Variants in ATXN1 observed in about 807,000 individuals in gnomAD.
The protein encoded by ATXN1 is ataxin 1.
ATXN1 carries 8 observed loss-of-function variants against 56.4 expected under a neutral mutation model. The observed-to-expected ratio is 0.14, with a 90% CI of 0.08 to 0.26. The LOEUF is 0.26. ATXN1 is among the 10% of genes least tolerant of loss of function. The pLI, the probability that ATXN1 is intolerant of heterozygous loss-of-function variation, is 1.00. For missense variants in ATXN1, 987 were observed against 1,106.5 expected (o/e 0.89, Z 1.53); for synonymous variants, 514 against 494.6 (o/e 1.04, Z -0.52).
intron 6 of ATXN1, among the ~76,000 whole-genome samples, chr6:16,367,843 A>C (rs1178731452): frequency 1.3e-5 from 2 of 152,162 alleles, no homozygotes; most frequent in Non-Finnish European, 2.9e-5. Context: ...GAAAGGGGGT[A>C]GGTCCTTCGT....
chr6:16,637,262 C>T (rs1241837994), intron 3 of ATXN1, among the ~76,000 whole-genome samples: 2 of 150,602 alleles, frequency 1.3e-5, no homozygotes, highest in Non-Finnish European at 2.9e-5. Context: ...AACCAAACAC[C>T]GCATGTTCTC....
intron 3 of ATXN1, among the ~76,000 whole-genome samples, chr6:16,634,429 C>T (rs980690270): frequency 4.6e-5 from 7 of 151,588 alleles, no homozygotes; most frequent in Admixed American, 1.3e-4. Context: ...AAAAAAACAG[C>T]TTTATTAAGA....
chr6:16,359,245 G>A (rs938475025), intron 6 of ATXN1, among the ~76,000 whole-genome samples: 1 of 152,172 alleles, frequency 6.6e-6, no homozygotes, highest in East Asian at 1.9e-4. Flanking sequence ...GGGCCTGAAG[G>A]CTGGGGGCCG....
intron 4 of ATXN1, among the ~76,000 whole-genome samples, chr6:16,525,439 A>G (rs1472744009): frequency 6.6e-6 from 1 of 152,168 alleles, no homozygotes; most frequent in Non-Finnish European, 1.5e-5. Context: ...CAAACTTAGC[A>G]TGTTCTCACT....
intron 3 of ATXN1, among the ~76,000 whole-genome samples, chr6:16,598,349 CT>C (rs1158023698): frequency 1.3e-5 from 2 of 152,154 alleles, no homozygotes; most frequent in Non-Finnish European, 2.9e-5. Context: ...GATGTTTTCT[CT>C]TTTGAAATTT....
chr6:16,362,139 C>T (rs1761820036), intron 6 of ATXN1, among the ~76,000 whole-genome samples: 1 of 152,132 alleles, frequency 6.6e-6, no homozygotes, highest in Non-Finnish European at 1.5e-5. Context: ...TGCTTCAAAC[C>T]AAGGCAGAAA....
chr6:16,604,191 AAAGAG>A (rs1237415004), intron 3 of ATXN1, among the ~76,000 whole-genome samples: 1 of 152,052 alleles, frequency 6.6e-6, no homozygotes, highest in African/African-American at 2.4e-5. Flanking sequence ...CTCTCAATAC[AAAGAG>A]ATAAAGAGGA....
chr6:16,652,245 G>A (rs886104680), intron 3 of ATXN1: 2 of 152,192 alleles, frequency 1.3e-5, no homozygotes, highest in Non-Finnish European at 2.9e-5. Flanking sequence ...AAAGCACTGC[G>A]AGAGCTTTCT....
rs1761077167 is a variant in ATXN1, at chr6:16,760,985, C to T, written c.-730+313G>A. Among the ~76,000 whole-genome samples the T allele has an allele frequency of 6.7e-6, 1 of 149,378 alleles. No individual in the cohort carries two copies. Among genetic ancestry groups the T allele is most frequent in the African/African-American group, 2.4e-5 (1 of 40,918 alleles). On this transcript the variant is annotated intron_variant, in intron 1 of 7. Transcript: ENST00000436367. This position sits in a 1 kb window ranked among gnomAD's most constrained non-coding sequence, Gnocchi z 5.3. ...GGCGCCCACCCAGCCCCTGACAGCCCCCCCGCCGGCCGCCCCTGCGCCCAG... is the reference window on the plus strand; with the variant it reads ...GGCGCCCACCCAGCCCCTGACAGCCTCCCCGCCGGCCGCCCCTGCGCCCAG...
intron 2 of ATXN1, among the ~76,000 whole-genome samples, chr6:16,732,565 C>T (rs1015238797): frequency 6.6e-6 from 1 of 151,926 alleles, no homozygotes; most frequent in African/African-American, 2.4e-5. Flanking sequence ...AGTGAGACTC[C>T]ATCTCACACA....
rs967941685 is a variant in ATXN1 at position 16,306,700 on chromosome 6, C to T, written c.2077G>A (p.Gly693Ser). 1.9e-6 allele frequency: 3 copies of T among 1,614,182 alleles called. No homozygotes were observed. The highest frequency in any genetic ancestry group is 1.7e-5 in the Admixed American group (1 of 60,028). ...ACGGGCTGGCCCTTTTTAACAGAGC[C>T]GTTCTTCAGGTTCTTGAGGGTAAGC... ...ISLTLKNLKNGSVKKGQPVDP... is the reference protein window; with the variant it reads ...ISLTLKNLKNSSVKKGQPVDP... The change falls in exon 8 of 8, where the codon GGC becomes AGC. Residue 693 changes from glycine to serine, a missense_variant. By Grantham distance (56) the Gly-to-Ser change is moderately conservative. Around this residue, in one of 3 missense-constraint regions of ATXN1, gnomAD observed 196 missense variants for 196.7 expected, o/e 1.00. Transcript: ENST00000436367. The surrounding 1 kb of genome is among the most constrained non-coding windows in gnomAD (Gnocchi z 5.2).
chr6:16,682,876 C>A (rs949077674), intron 2 of ATXN1, among the ~76,000 whole-genome samples: 2 of 152,156 alleles, frequency 1.3e-5, no homozygotes, highest in African/African-American at 2.4e-5. Context: ...CCTCACTTTC[C>A]CGCTTCTATT....
At chr6:16,421,892 T>C (rs895407345) in intron 6 of ATXN1, among the ~76,000 whole-genome samples, 9 of 152,184 alleles carry the variant, frequency 5.9e-5, no homozygotes, top group African/African-American at 2.2e-4. Flanking sequence ...AAACATGGAA[T>C]ACAATGCAGT....
intron 6 of ATXN1, among the ~76,000 whole-genome samples, chr6:16,416,668 C>A (rs1329506839): frequency 1.3e-5 from 2 of 152,232 alleles, no homozygotes; most frequent in Admixed American, 1.3e-4. Flanking sequence ...TGCTCGTACA[C>A]CCTAAACGTT....
At chr6:16,718,229 C>T (rs763454349) in intron 2 of ATXN1, among the ~76,000 whole-genome samples, 4 of 152,210 alleles carry the variant, frequency 2.6e-5, no homozygotes, top group Admixed American at 2.6e-4. Flanking sequence ...AGTTAGAAAA[C>T]TTTTAGCCAC....
At chr6:16,332,642 A>G (rs1761019170) in intron 6 of ATXN1, among the ~76,000 whole-genome samples, 1 of 152,246 alleles carries the variant, frequency 6.6e-6, no homozygotes, top group Admixed American at 6.5e-5. Context: ...CTGTTTAAAC[A>G]TTCCTATTGG....
At chr6:16,524,142 G>A (rs925646070) in intron 4 of ATXN1, among the ~76,000 whole-genome samples, 1 of 152,150 alleles carries the variant, frequency 6.6e-6, no homozygotes, top group African/African-American at 2.4e-5. Flanking sequence ...GCTTTTTCAG[G>A]ATGGCCCACC....
intron 3 of ATXN1, among the ~76,000 whole-genome samples, chr6:16,623,770 A>C (rs537489371): frequency 6.6e-6 from 1 of 152,358 alleles, no homozygotes; most frequent in East Asian, 1.9e-4. Flanking sequence ...ACTAAGGAAA[A>C]AAGGATTGGT....
intron 2 of ATXN1, among the ~76,000 whole-genome samples, chr6:16,679,276 G>GTGGATGGATGGATGGATGGATGGA (rs10701438): frequency 2.2e-5 from 3 of 138,306 alleles, no homozygotes; most frequent in Admixed American, 7.1e-5. Flanking sequence ...GAGTTAGTGG[G>GTGGATGGATGGATGGATGGATGGA]TGGATGGATG....
Sources: gnomAD v4.1 joint callset for allele counts (sites outside exome capture counted in the v4.1 genomes callset) on GRCh38, gnomAD v4.1.1 for gene constraint, gnomAD v4.1.1 regional missense constraint, Gnocchi (gnomAD v3.1) non-coding constraint, MANE v1.5 for transcripts, NCBI Gene and HGNC (gene_info 2026-07-23, HGNC 2026-07-21) for gene names.